Variants in M1AP observed in about 807,000 individuals in gnomAD.
The protein encoded by M1AP is meiosis 1 arrest protein.
Under a neutral mutation model 51.2 loss-of-function variants are expected in M1AP, and 39 were observed. That is an observed-to-expected ratio of 0.76 (90% confidence interval 0.59 to 1.00). M1AP has a LOEUF of 1.00. M1AP is among the 50% of genes least tolerant of loss of function. M1AP has a pLI of 0.00. For synonymous variants in M1AP, 251 were observed against 249.2 expected, an observed-to-expected ratio of 1.01 and a Z score of -0.07; for missense variants, 545 against 641.2, an observed-to-expected ratio of 0.85 and a Z score of 1.62.
chr2:74,628,125 C>T (rs1004431560), intron 2 of M1AP, among the ~76,000 whole-genome samples: 2 of 152,224 alleles, frequency 1.3e-5, no homozygotes, highest in African/African-American at 4.8e-5. Context: ...CTACTGCCAA[C>T]ATACTTTCCA....
At chr2:74,609,916 G>A (rs1361659846) in intron 3 of M1AP, among the ~76,000 whole-genome samples, 1 of 151,948 alleles carries the variant, frequency 6.6e-6, no homozygotes, top group Non-Finnish European at 1.5e-5. Flanking sequence ...AGTTGTTTGA[G>A]TTCCTTATAT....
rs577089465 is a variant in M1AP at position 74,588,404 on chromosome 2, ACT to A, written c.596-6559_596-6558del. Among the ~76,000 whole-genome samples, 13 of 152,280 alleles carry A rather than the reference ACT, an allele frequency of 8.5e-5. No individual in the cohort carries two copies. The South Asian group carries it at 2.3e-3, about 27-fold the overall frequency. On this transcript the variant is annotated intron_variant, in intron 4 of 10. Coordinates refer to ENST00000421985, the MANE Select transcript of M1AP (RefSeq NM_001321739.2). ...TGGGTTGGTTTACAATTAGCTGTCT[ACT>A]CTCTGAATACAGGATAGCTATAGGA...
At chr2:74,563,606 T>TAAAAAA (rs750014043) in intron 7 of M1AP, among the ~76,000 whole-genome samples, 3 of 54,650 alleles carry the variant, frequency 5.5e-5, no homozygotes, top group Non-Finnish European at 1.1e-4. Context: ...TCTCAAAACA[T>TAAAAAA]AAAAAAAAAA....
At chr2:74,575,353 A>G in intron 7 of M1AP, 85 bp downstream of exon 7, 3 of 1,581,522 alleles carry the variant, frequency 1.9e-6, no homozygotes, top group Non-Finnish European at 2.6e-6. Flanking sequence ...CAGATTTAGG[A>G]TTGGGCAGAG....
chr2:74,596,382 A>C (rs1680335515), intron 4 of M1AP, among the ~76,000 whole-genome samples: 2 of 152,128 alleles, frequency 1.3e-5, no homozygotes, highest in African/African-American at 4.8e-5. Flanking sequence ...GGAGATAGAG[A>C]CCATCCTGGC....
intron 2 of M1AP, chr2:74,628,426 T>A (rs1682522515): frequency 3.1e-5 from 12 of 388,834 alleles, no homozygotes; most frequent in Non-Finnish European, 1.6e-5. Flanking sequence ...ACCTTACACC[T>A]GATGTAACCA....
At chr2:74,585,348 G>T (rs1679646855) in intron 4 of M1AP, among the ~76,000 whole-genome samples, 1 of 152,164 alleles carries the variant, frequency 6.6e-6, no homozygotes, top group Non-Finnish European at 1.5e-5. Flanking sequence ...TTATGGTTAT[G>T]GTTCTCCCTC....
intron 1 of M1AP, among the ~76,000 whole-genome samples, chr2:74,641,641 CTTTT>C (rs111350730): frequency 1.4e-5 from 2 of 141,034 alleles, no homozygotes; most frequent in Non-Finnish European, 1.6e-5. Flanking sequence ...GAATTTCAAT[CTTTT>C]TTTTTTTTTT....
chr2:74,624,241 G>C (rs363699), intron 2 of M1AP, among the ~76,000 whole-genome samples: 3,901 of 152,302 alleles, frequency 0.026, 73 homozygotes, highest in Non-Finnish European at 0.041. Context: ...TTATCAGAAA[G>C]TCAAGTTAGA....
At chr2:74,562,105 A>G (rs1678055752) in intron 8 of M1AP, 112 bp downstream of exon 8, 1 of 1,483,598 alleles carries the variant, frequency 6.7e-7, no homozygotes, top group African/African-American at 1.4e-5. Context: ...CTCTCTTACC[A>G]CACTCCTTCA....
chr2:74,632,518 C>T (rs1682762359), intron 2 of M1AP, among the ~76,000 whole-genome samples: 1 of 152,154 alleles, frequency 6.6e-6, no homozygotes. Flanking sequence ...AGCCTTCCCT[C>T]CTTGCCCTCC....
chr2:74,589,592 T>C (rs1298761122), intron 4 of M1AP, among the ~76,000 whole-genome samples: 1 of 152,238 alleles, frequency 6.6e-6, no homozygotes, highest in Non-Finnish European at 1.5e-5. Flanking sequence ...CCAGCCCAGC[T>C]TTACCGCTTA....
chr2:74,648,068 AG>A, intron 1 of M1AP, 196 bp downstream of exon 1: 1 of 985,450 alleles, frequency 1.0e-6, no homozygotes, highest in Non-Finnish European at 1.2e-6. Context: ...CGCCCAGAAC[AG>A]TATGCGGAGG....
intron 2 of M1AP, among the ~76,000 whole-genome samples, chr2:74,616,252 T>C (rs555198330): frequency 7.2e-5 from 11 of 152,342 alleles, no homozygotes; most frequent in Admixed American, 2.6e-4. Flanking sequence ...TGAGAAACAA[T>C]GTACCCCCTT....
At chr2:74,563,608 A>C (rs978910720) in intron 7 of M1AP, among the ~76,000 whole-genome samples, 5 of 144,618 alleles carry the variant, frequency 3.5e-5, no homozygotes, top group African/African-American at 1.3e-4. Flanking sequence ...TCAAAACATA[A>C]AAAAAAAAAA....
chr2:74,603,175 G>A (rs985549641), intron 4 of M1AP, among the ~76,000 whole-genome samples: 1 of 152,192 alleles, frequency 6.6e-6, no homozygotes, highest in African/African-American at 2.4e-5. Context: ...TGTTACCAGA[G>A]AAAGGGGATA....
chr2:74,612,957 T>C (rs747111474), intron 3 of M1AP, among the ~76,000 whole-genome samples: 40 of 151,432 alleles, frequency 2.6e-4, no homozygotes, highest in Non-Finnish European at 5.7e-4. Context: ...TTGAATATTC[T>C]GCTCTGGGTT....
intron 7 of M1AP, among the ~76,000 whole-genome samples, chr2:74,564,998 A>T (rs926380955): frequency 6.6e-6 from 1 of 152,244 alleles, no homozygotes; most frequent in Non-Finnish European, 1.5e-5. Context: ...AGGCGGGCAG[A>T]TCAACTGAGG....
chr2:74,614,302 G>A (rs1042572329), intron 3 of M1AP, among the ~76,000 whole-genome samples: 1 of 152,118 alleles, frequency 6.6e-6, no homozygotes, highest in African/African-American at 2.4e-5. Flanking sequence ...AGTTTGTTAA[G>A]CTTTTTACTA....
Sources: gnomAD v4.1 joint callset for allele counts (sites outside exome capture counted in the v4.1 genomes callset) on GRCh38, gnomAD v4.1.1 for gene constraint, MANE v1.5 for transcripts, NCBI Gene and HGNC (gene_info 2026-07-23, HGNC 2026-07-21) for gene names.